The following GRM7 variants were observed in gnomAD, a reference collection of about 807,000 sequenced individuals.
The protein encoded by GRM7 is metabotropic glutamate receptor 7.
GRM7 carries 35 observed loss-of-function variants against 84.5 expected under a neutral mutation model. That is an observed-to-expected ratio of 0.41 (90% CI 0.32 to 0.55). The LOEUF is 0.55. Among genes scored for constraint, GRM7 ranks in the 20% least tolerant of loss-of-function variants. The pLI is 0.19. For synonymous variants in GRM7, 487 were observed against 455.1 expected (o/e 1.07, Z -0.89); for missense variants, 1,003 against 1,194.6 (o/e 0.84, Z 2.36).
chr3:7,135,249 A>G (rs1304527764), intron 1 of GRM7, among the ~76,000 whole-genome samples: 1 of 152,224 alleles, frequency 6.6e-6, no homozygotes, highest in African/African-American at 2.4e-5. Context: ...ATAAGTATAA[A>G]TCAAAGGGAG....
At chr3:7,040,075 C>T (rs1318490263) in intron 1 of GRM7, among the ~76,000 whole-genome samples, 1 of 151,932 alleles carries the variant, frequency 6.6e-6, no homozygotes, top group Non-Finnish European at 1.5e-5. Context: ...GTAGTTCTCA[C>T]TAGGCCAGCA....
At position 7,146,648 on chromosome 3, in the gene GRM7, C is replaced by T. The variant is rs1235954876; in HGVS notation, c.716C>T (p.Thr239Met). The change falls in exon 2 of 10, where the codon ACG becomes ATG. Residue 239 changes from threonine (T) to methionine (M), a missense_variant. By Grantham distance (81) the Thr-to-Met change is moderately conservative. Around this residue, in one of 2 missense-constraint regions of GRM7, gnomAD observed 910 missense variants for 1,126.0 expected, o/e 0.81. Coordinates refer to ENST00000357716, the MANE Select transcript of GRM7 (RefSeq NM_000844.4). ...GGAGAGAAAGGTGTGGAGTCCTTCA[C>T]GCAGATTTCCAAAGAGGCAGGTAGG... ...SYGEKGVESF[T>M]QISKEAGGLC... The T allele has an allele frequency of 8.7e-6, 14 of 1,612,568 alleles. No individual in the cohort carries two copies. The East Asian group carries it at 8.9e-5, about 10-fold the overall frequency.
chr3:7,530,579 A>G (rs1276622042), intron 7 of GRM7, among the ~76,000 whole-genome samples: 1 of 152,094 alleles, frequency 6.6e-6, no homozygotes, highest in African/African-American at 2.4e-5. Context: ...AAGTGTTCCT[A>G]TTTCTCCACA....
intron 5 of GRM7, among the ~76,000 whole-genome samples, chr3:7,431,026 G>A (rs374862504): frequency 2.0e-5 from 3 of 151,950 alleles, no homozygotes; most frequent in Admixed American, 1.3e-4. Flanking sequence ...GTGGGGAGGG[G>A]CCCAGTGCGA....
At chr3:7,467,725 A>G (rs1304390185) in intron 7 of GRM7, among the ~76,000 whole-genome samples, 1 of 152,130 alleles carries the variant, frequency 6.6e-6, no homozygotes. Flanking sequence ...TGCTCTCTGG[A>G]TTGTTTAGTT....
chr3:7,581,510 A>G (rs555894503), intron 8 of GRM7, among the ~76,000 whole-genome samples: 27 of 152,318 alleles, frequency 1.8e-4, no homozygotes, highest in African/African-American at 6.3e-4. Context: ...AGCATGAACA[A>G]CCAATGAGAA....
intron 8 of GRM7, among the ~76,000 whole-genome samples, chr3:7,597,156 A>C (rs1162268395): frequency 6.6e-6 from 1 of 152,116 alleles, no homozygotes; most frequent in Non-Finnish European, 1.5e-5. Flanking sequence ...GGGAGGTCTC[A>C]GGAAGTTTTC....
At chr3:7,527,307 T>C (rs1019940857) in intron 7 of GRM7, among the ~76,000 whole-genome samples, 4 of 152,030 alleles carry the variant, frequency 2.6e-5, no homozygotes, top group Non-Finnish European at 5.9e-5. Flanking sequence ...GATTATATTC[T>C]TCATTTTGCT....
chr3:7,310,587 A>T (rs1700356517), intron 4 of GRM7, among the ~76,000 whole-genome samples: 1 of 152,188 alleles, frequency 6.6e-6, no homozygotes, highest in South Asian at 2.1e-4. Context: ...GCCTTGAACC[A>T]CAATGCTGCT....
chr3:6,943,614 A>C (rs1202470932), intron 1 of GRM7, among the ~76,000 whole-genome samples: 1 of 152,032 alleles, frequency 6.6e-6, no homozygotes, highest in Non-Finnish European at 1.5e-5. Flanking sequence ...CACATATTGA[A>C]GTTGAGTAAT....
At chr3:7,199,341 A>C (rs1252178587) in intron 2 of GRM7, among the ~76,000 whole-genome samples, 1 of 152,212 alleles carries the variant, frequency 6.6e-6, no homozygotes, top group African/African-American at 2.4e-5. Context: ...CTTCCAGCTC[A>C]GTTGCTAGTG....
intron 2 of GRM7, among the ~76,000 whole-genome samples, chr3:7,266,225 T>G (rs892510396): frequency 6.6e-6 from 1 of 152,174 alleles, no homozygotes; most frequent in Non-Finnish European, 1.5e-5. Flanking sequence ...AAGTACAGGT[T>G]CAAGCCAGTG....
chr3:7,650,549 G>T (rs1359960857), intron 8 of GRM7, among the ~76,000 whole-genome samples: 2 of 152,182 alleles, frequency 1.3e-5, no homozygotes, highest in African/African-American at 4.8e-5. Context: ...CTTGCAGAAG[G>T]AATTCTGTTA....
In GRM7 at chr3:7,218,976, C is replaced by T. The variant is rs974653400; in HGVS notation, c.736+72308C>T. 5.9e-5 allele frequency among the ~76,000 whole-genome samples: 9 copies of T among 151,930 alleles called. No homozygotes were observed. The East Asian group carries it at 1.7e-3, about 29-fold the overall frequency. On this transcript the variant is annotated intron_variant, in intron 2 of 9. Coordinates refer to ENST00000357716, the MANE Select transcript of GRM7 (RefSeq NM_000844.4). ...TTGATAATATATTGGTTATTTTTGCCACTGAATGAAATTAATGGTGCTTAT... is the reference window on the plus strand; with the variant it reads ...TTGATAATATATTGGTTATTTTTGCTACTGAATGAAATTAATGGTGCTTAT...
intron 2 of GRM7, among the ~76,000 whole-genome samples, chr3:7,298,093 G>A (rs1173753108): frequency 6.6e-6 from 1 of 152,142 alleles, no homozygotes; most frequent in African/African-American, 2.4e-5. Context: ...GGTAACATCT[G>A]TAAAACACTT....
intron 1 of GRM7, among the ~76,000 whole-genome samples, chr3:7,123,329 G>GA (rs1316425545): frequency 6.6e-6 from 1 of 152,062 alleles, no homozygotes; most frequent in African/African-American, 2.4e-5. Context: ...CTCTTTTTAA[G>GA]AAAGTGGGGC....
chr3:7,093,696 A>C (rs1698750431), intron 1 of GRM7, among the ~76,000 whole-genome samples: 3 of 140,566 alleles, frequency 2.1e-5, no homozygotes, highest in South Asian at 2.3e-4. Flanking sequence ...AAAAAAAAAA[A>C]AAAAAAAAAA....
intron 8 of GRM7, among the ~76,000 whole-genome samples, chr3:7,673,468 A>G (rs895336351): frequency 6.6e-6 from 1 of 151,542 alleles, no homozygotes; most frequent in African/African-American, 2.4e-5. Flanking sequence ...CAGGACTTAC[A>G]GGAAACCGGG....
At position 7,462,120 on chromosome 3, in the gene GRM7, G is replaced by C. The variant is rs1025192975; in HGVS notation, c.1515+398G>C. ...TTTTTATTATTATTTTGAGACATTT[G>C]AGTGTATTTATGTGAGATTTGTAAT... On this transcript the variant is annotated intron_variant, in intron 7 of 9. Transcript: ENST00000357716. Among the ~76,000 whole-genome samples, 3 of 152,010 alleles carry C rather than the reference G, an allele frequency of 2.0e-5. No individual in the cohort carries two copies. The East Asian group carries it at 5.8e-4, about 29-fold the overall frequency.
Sources: gnomAD v4.1 joint callset for allele counts (sites outside exome capture counted in the v4.1 genomes callset) on GRCh38, gnomAD v4.1.1 for gene constraint, gnomAD v4.1.1 regional missense constraint, MANE v1.5 for transcripts, NCBI Gene and HGNC (gene_info 2026-07-23, HGNC 2026-07-21) for gene names.